PYGO1: variants seen among roughly 807,000 people sequenced by gnomAD.
The protein encoded by PYGO1 is pygopus family PHD finger 1.
A neutral mutation model predicts 29.5 loss-of-function variants in PYGO1; 6 were observed. The ratio of observed to expected loss-of-function variants is 0.20; its 90% confidence interval spans 0.11 to 0.40. PYGO1 has a LOEUF of 0.40. Among genes scored for constraint, PYGO1 ranks in the 10% least tolerant of loss-of-function variants. The pLI is 1.00. For missense variants in PYGO1, 515 were observed against 514.9 expected (o/e 1.00, Z 0.00); for synonymous variants, 186 against 180.5 (o/e 1.03, Z -0.24).
chr15:55,558,820 T>C (rs1429662450), intron 1 of PYGO1, among the ~76,000 whole-genome samples: 1 of 151,968 alleles, frequency 6.6e-6, no homozygotes, highest in Admixed American at 6.6e-5. Context: ...TTACACCTTA[T>C]ACAAAAATTA....
intron 1 of PYGO1, among the ~76,000 whole-genome samples, chr15:55,564,293 G>A (rs982204781): frequency 1.3e-5 from 2 of 152,158 alleles, no homozygotes; most frequent in East Asian, 1.9e-4. Flanking sequence ...TGAAAATGTT[G>A]TAAGTAAAAG....
chr15:55,567,794 C>T (rs62021860), intron 1 of PYGO1, among the ~76,000 whole-genome samples: 8,173 of 152,148 alleles, frequency 0.054, 278 homozygotes, highest in Middle Eastern at 0.068. Context: ...AGGTATGGGT[C>T]CATTTTCATT....
At position 55,546,638 on chromosome 15, in the gene PYGO1, C is replaced by T. The variant is rs756312544; in HGVS notation, c.645G>A (p.Pro215=). 9.9e-6 allele frequency: 16 copies of T among 1,613,824 alleles called. No individual in the cohort carries two copies. Among genetic ancestry groups the T allele is most frequent in the Middle Eastern group, 1.7e-4 (1 of 6,060 alleles). Residue 215 remains proline (P), a synonymous_variant, in exon 3 of 3, where the codon CCG becomes CCA. Coordinates refer to ENST00000563719, the MANE Select transcript of PYGO1 (RefSeq NM_001367806.1). ...GAATAAAAGAATGATTAGATTCTAA[C>T]GGAGAAGTAAAATTTGAATTATTTC... ...VPGNNSNFTS[P]LESNHSFIPP... is the part of the protein sequence containing the mutation.
chr15:55,581,905 G>T (rs946717060), intron 1 of PYGO1, among the ~76,000 whole-genome samples: 2 of 151,956 alleles, frequency 1.3e-5, no homozygotes, highest in African/African-American at 4.8e-5. Flanking sequence ...GAAGTCAATG[G>T]GTTCAAAACA....
chr15:55,566,467 C>T (rs536831557), intron 1 of PYGO1, among the ~76,000 whole-genome samples: 12 of 151,246 alleles, frequency 7.9e-5, no homozygotes, highest in African/African-American at 2.7e-4. Flanking sequence ...TAGTCTTTAT[C>T]CAATCCACCA....
intron 1 of PYGO1, among the ~76,000 whole-genome samples, chr15:55,558,948 C>T (rs932532545): frequency 2.0e-5 from 3 of 151,870 alleles, no homozygotes; most frequent in Non-Finnish European, 4.4e-5. Flanking sequence ...TCTAAAACAC[C>T]AAAAGCAATG....
At chr15:55,548,801 G>GTA in intron 2 of PYGO1, 109 bp downstream of exon 2, 1 of 556,482 alleles carries the variant, frequency 1.8e-6, no homozygotes, top group African/African-American at 2.2e-5. Context: ...ATGATTAAAA[G>GTA]TACAATCACT....
At position 55,587,868 on chromosome 15, in the gene PYGO1, C is replaced by G. The variant is rs781245314; in HGVS notation, c.16G>C (p.Glu6Gln). Reference protein sequence around the residue: MSAEQEKDPISLKRVR... With the variant: MSAEQQKDPISLKRVR... ...CTCTTCAGCGAAATGGGATCCTTCT[C>G]CTGTTCTGCTGACATTACAGACCGC... Residue 6 changes from glutamate to glutamine, a missense_variant, in exon 1 of 3, where the codon GAG becomes CAG. Coordinates refer to ENST00000563719, the MANE Select transcript of PYGO1 (RefSeq NM_001367806.1). 6.7e-7 allele frequency: 1 copy of G among 1,496,900 alleles called. No individual in the cohort carries two copies. Among genetic ancestry groups the G allele is most frequent in the South Asian group, 1.2e-5 (1 of 80,610 alleles). 92.7% of individuals were successfully genotyped at this position (1,496,900 alleles called of 1,614,324 possible). A position where few individuals can be genotyped will look rare whatever the true frequency, so the allele number is the denominator to read the frequency against.
chr15:55,576,771 A>AAAAAAAAAAAAAAAAAAAAT lies in PYGO1; in HGVS notation c.49+11063_49+11064insATTTTTTTTTTTTTTTTTTT, dbSNP rs1555426321. Among the ~76,000 whole-genome samples the AAAAAAAAAAAAAAAAAAAAT allele has an allele frequency of 1.3e-5, 2 of 149,242 alleles. 1 individual carries two copies. Among genetic ancestry groups the AAAAAAAAAAAAAAAAAAAAT allele is most frequent in the Non-Finnish European group, 3.0e-5 (2 of 67,248 alleles). ...CCTGGGCGACAGATCAAAAAAAAGA[A>AAAAAAAAAAAAAAAAAAAAT]GTGGGGGAAAAGATTCTGTAAAGCA... On this transcript the variant is annotated intron_variant, in intron 1 of 2. Coordinates refer to ENST00000563719, the MANE Select transcript of PYGO1 (RefSeq NM_001367806.1).
intron 1 of PYGO1, among the ~76,000 whole-genome samples, chr15:55,576,696 G>A (rs1431991636): frequency 7.0e-6 from 1 of 143,192 alleles, no homozygotes; most frequent in Non-Finnish European, 1.5e-5. Flanking sequence ...GCTTGAACCC[G>A]GGAGGTGGAG....
intron 1 of PYGO1, among the ~76,000 whole-genome samples, chr15:55,584,666 T>A (rs2059039314): frequency 6.6e-6 from 1 of 152,218 alleles, no homozygotes; most frequent in Admixed American, 6.5e-5. Flanking sequence ...TTCATTCATT[T>A]GACATTTACT....
chr15:55,571,192 T>G (rs1320925544), intron 1 of PYGO1, among the ~76,000 whole-genome samples: 1 of 152,330 alleles, frequency 6.6e-6, no homozygotes, highest in East Asian at 1.9e-4. Flanking sequence ...AGAATTTCCT[T>G]CCTTTTTGTG....
intron 1 of PYGO1, among the ~76,000 whole-genome samples, chr15:55,556,519 G>T (rs1029915683): frequency 6.6e-6 from 1 of 152,140 alleles, no homozygotes; most frequent in African/African-American, 2.4e-5. Flanking sequence ...GACATTTATA[G>T]CACTAAATGC....
intron 1 of PYGO1, among the ~76,000 whole-genome samples, chr15:55,582,463 C>G (rs981482009): frequency 3.9e-5 from 6 of 152,154 alleles, no homozygotes; most frequent in African/African-American, 1.4e-4. Flanking sequence ...TCCTACCTCT[C>G]TGACTACTCC....
intron 1 of PYGO1, among the ~76,000 whole-genome samples, chr15:55,575,914 C>T (rs990775271): frequency 6.6e-6 from 1 of 152,184 alleles, no homozygotes; most frequent in Non-Finnish European, 1.5e-5. Context: ...TTAATAATTT[C>T]AGCCACAATC....
rs901446669 is a variant in PYGO1, at chr15:55,578,130, A to T, written c.49+9705T>A. Among the ~76,000 whole-genome samples the T allele has an allele frequency of 2.5e-4, 38 of 152,304 alleles. 1 individual carries two copies. In the South Asian group the frequency reaches 6.8e-3, roughly 27 times the overall value. On this transcript the variant is annotated intron_variant, in intron 1 of 2. Transcript: ENST00000563719. ...TTGTACATAGCTTCTTTCGTTTAGC[A>T]TAACATTTTCAAGGTTCATCCATGT...
At position 55,587,376 on chromosome 15, in the gene PYGO1, G is replaced by A. The variant is rs493480; in HGVS notation, c.49+459C>T. 6.7e-4 allele frequency among the ~76,000 whole-genome samples: 100 copies of A among 150,260 alleles called. 2 individuals carry two copies. The highest frequency in any genetic ancestry group is 2.4e-3 in the African/African-American group (99 of 40,620). On this transcript the variant is annotated intron_variant, in intron 1 of 2. Coordinates refer to ENST00000563719, the MANE Select transcript of PYGO1 (RefSeq NM_001367806.1). ...GAATATTTGTTGCCTTTGCCGGGGTGGGGGGGCGAGAAGGGGGCCAGGAGA... is the reference window on the plus strand; with the variant it reads ...GAATATTTGTTGCCTTTGCCGGGGTAGGGGGGCGAGAAGGGGGCCAGGAGA...
intron 1 of PYGO1, among the ~76,000 whole-genome samples, chr15:55,550,114 TG>T (rs2058872191): frequency 6.6e-6 from 1 of 152,236 alleles, no homozygotes; most frequent in Non-Finnish European, 1.5e-5. Context: ...CTGTATGGTT[TG>T]TTTAGATTGG....
chr15:55,566,749 G>A (rs989978966), intron 1 of PYGO1, among the ~76,000 whole-genome samples: 7 of 152,070 alleles, frequency 4.6e-5, no homozygotes, highest in Non-Finnish European at 8.8e-5. Context: ...TGATGGTTTT[G>A]AGACAAGGTC....
Sources: allele counts gnomAD v4.1 joint callset (sites outside exome capture counted in the v4.1 genomes callset), GRCh38; gene constraint gnomAD v4.1.1; transcripts MANE v1.5; gene names NCBI Gene and HGNC (gene_info 2026-07-23, HGNC 2026-07-21).